The following FAT3 variants were observed in gnomAD, a reference collection of about 807,000 sequenced individuals.
The protein encoded by FAT3 is FAT atypical cadherin 3, also known as protocadherin Fat 3.
A neutral mutation model predicts 310.2 loss-of-function variants in FAT3; 95 were observed. The observed-to-expected ratio is 0.31, with a 90% CI of 0.26 to 0.36. The LOEUF (loss-of-function observed/expected upper bound fraction) is 0.36, where lower values mean the gene tolerates loss of function less well. Among genes scored for constraint, FAT3 ranks in the 10% least tolerant of loss-of-function variants. The probability of loss-of-function intolerance (pLI) is 1.00; values close to 1 mark genes in which losing one functional copy is unlikely to be tolerated. For missense variants in FAT3, 5,408 were observed against 5,715.6 expected (o/e 0.95, Z 1.74); for synonymous variants, 2,314 against 2,192.9 (o/e 1.06, Z -1.54).
At position 92,353,137 on chromosome 11, in the gene FAT3, A is replaced by C. The variant is rs1948616406; in HGVS notation, c.1025A>C (p.Asn342Thr). The change falls in exon 2 of 28, where the codon AAT becomes ACT. Residue 342 changes from asparagine to threonine, a missense_variant. Around this residue, in one of 5 missense-constraint regions of FAT3, gnomAD observed 4,588 missense variants for 4,809.8 expected, o/e 0.95. Coordinates refer to ENST00000525166, the MANE Select transcript of FAT3 (RefSeq NM_001367949.2). ...TGGGAGAGCTTTCCCTATGGCTACA[A>C]TCTCACTCTTCAAGCAAAAGACAAG... ...IDWESFPYGYNLTLQAKDKGS... is the reference protein window; with the variant it reads ...IDWESFPYGYTLTLQAKDKGS... 1 of 1,613,538 alleles carries C rather than the reference A, an allele frequency of 6.2e-7. No individual in the cohort carries two copies. Among genetic ancestry groups the C allele is most frequent in the African/African-American group, 1.3e-5 (1 of 74,896 alleles).
chr11:92,808,292 A>G (rs1188617518), intron 12 of FAT3, among the ~76,000 whole-genome samples: 2 of 152,222 alleles, frequency 1.3e-5, no homozygotes, highest in African/African-American at 4.8e-5. Flanking sequence ...AAGGGGAGCT[A>G]TATCTGGGCA....
chr11:92,619,389 G>A (rs1002418435), intron 3 of FAT3, among the ~76,000 whole-genome samples: 4 of 152,088 alleles, frequency 2.6e-5, no homozygotes, highest in Non-Finnish European at 5.9e-5. Flanking sequence ...ATTGAGAAAT[G>A]TTCTCTTCTC....
At position 92,801,732 on chromosome 11, in the gene FAT3, A is replaced by G. The variant is rs750761692; in HGVS notation, c.8719A>G (p.Thr2907Ala). ...TGGAGAGGCATTCTCTCTTTCCTCCACGGCCTTGGTCTCTGTCAGAGTGAC... is the reference window on the plus strand; with the variant it reads ...TGGAGAGGCATTCTCTCTTTCCTCCGCGGCCTTGGTCTCTGTCAGAGTGAC... The part of the protein sequence containing the change: ...DLGEAFSLSS[T>A]ALVSVRVTDI... Residue 2907 changes from threonine to alanine, a missense_variant, in exon 10 of 28, where the codon ACG becomes GCG. By Grantham distance (58) the Thr-to-Ala change is moderately conservative. Around this residue, in one of 5 missense-constraint regions of FAT3, gnomAD observed 4,588 missense variants for 4,809.8 expected, o/e 0.95. Transcript: ENST00000525166. 6 of 1,613,844 alleles carry G rather than the reference A, an allele frequency of 3.7e-6. No individual in the cohort carries two copies. In the South Asian group the frequency reaches 6.6e-5, roughly 18 times the overall value.
intron 22 of FAT3, among the ~76,000 whole-genome samples, chr11:92,871,342 C>T (rs1399712213): frequency 1.3e-5 from 2 of 152,142 alleles, no homozygotes; most frequent in Non-Finnish European, 1.5e-5. Context: ...TCAAAGTGTT[C>T]CAGGGACCAA....
chr11:92,382,538 A>G (rs1197430276), intron 2 of FAT3, among the ~76,000 whole-genome samples: 6 of 152,184 alleles, frequency 3.9e-5, no homozygotes, highest in African/African-American at 1.4e-4. Flanking sequence ...CCCTAAAGGT[A>G]GATCTGGAAC....
At chr11:92,518,149 C>CA (rs1350094865) in intron 2 of FAT3, among the ~76,000 whole-genome samples, 1 of 152,070 alleles carries the variant, frequency 6.6e-6, no homozygotes, top group Non-Finnish European at 1.5e-5. Context: ...TTTTACCCAG[C>CA]AATCCCATTA....
At chr11:92,416,991 C>T (rs1004533982) in intron 2 of FAT3, among the ~76,000 whole-genome samples, 3 of 152,064 alleles carry the variant, frequency 2.0e-5, no homozygotes, top group Non-Finnish European at 4.4e-5. Context: ...TTGGAAAATA[C>T]CAGTCAGACA....
intron 1 of FAT3, among the ~76,000 whole-genome samples, chr11:92,269,206 A>T (rs1946053720): frequency 6.6e-6 from 1 of 150,430 alleles, no homozygotes; most frequent in Non-Finnish European, 1.5e-5. Flanking sequence ...ATGACTCGCA[A>T]TGTTGACAGA....
chr11:92,657,010 C>T (rs1942604716), intron 3 of FAT3, among the ~76,000 whole-genome samples: 1 of 152,088 alleles, frequency 6.6e-6, no homozygotes, highest in South Asian at 2.1e-4. Context: ...AGCTGTGGCA[C>T]AAAAGAAAAT....
chr11:92,738,753 G>T (rs1945422323), intron 4 of FAT3, among the ~76,000 whole-genome samples: 1 of 152,168 alleles, frequency 6.6e-6, no homozygotes, highest in African/African-American at 2.4e-5. Context: ...ACAACATGCT[G>T]AGTCTTGTAT....
At chr11:92,647,468 C>G (rs550165415) in intron 3 of FAT3, among the ~76,000 whole-genome samples, 1 of 152,236 alleles carries the variant, frequency 6.6e-6, no homozygotes, top group East Asian at 1.9e-4. Flanking sequence ...TGGAAAAACT[C>G]TACATCAATA....
At chr11:92,611,958 C>T (rs932200518) in intron 3 of FAT3, among the ~76,000 whole-genome samples, 22 of 152,128 alleles carry the variant, frequency 1.4e-4, no homozygotes, top group African/African-American at 4.8e-4. Flanking sequence ...CTTGACCTTC[C>T]AAATGAGGGG....
chr11:92,816,028 G>A (rs1457934574), intron 13 of FAT3, among the ~76,000 whole-genome samples: 1 of 152,176 alleles, frequency 6.6e-6, no homozygotes, highest in Non-Finnish European at 1.5e-5. Context: ...AGGTCCATGT[G>A]GGAACATTAC....
At chr11:92,287,964 A>G (rs1364850380) in intron 1 of FAT3, among the ~76,000 whole-genome samples, 1 of 152,158 alleles carries the variant, frequency 6.6e-6, no homozygotes, top group Non-Finnish European at 1.5e-5. Context: ...TGAGTTGTCT[A>G]TGATATAGGT....
chr11:92,811,565 C>T (rs564823295), intron 13 of FAT3, among the ~76,000 whole-genome samples: 1 of 152,056 alleles, frequency 6.6e-6, no homozygotes, highest in South Asian at 2.1e-4. Context: ...CCTCCTTTCA[C>T]TTATTTTGAG....
intron 3 of FAT3, among the ~76,000 whole-genome samples, chr11:92,636,593 A>C (rs1351619425): frequency 6.6e-6 from 1 of 152,266 alleles, no homozygotes; most frequent in East Asian, 1.9e-4. Flanking sequence ...AGATCCAACA[A>C]TAAAGAAGAA....
intron 2 of FAT3, among the ~76,000 whole-genome samples, chr11:92,471,941 ATATAT>A (rs1232968470): frequency 1.5e-5 from 2 of 131,796 alleles, no homozygotes; most frequent in Non-Finnish European, 3.1e-5. Flanking sequence ...ATATATATAT[ATATAT>A]ATATATATAT....
intron 3 of FAT3, among the ~76,000 whole-genome samples, chr11:92,641,489 T>C (rs566668): frequency 0.49 from 73,746 of 151,940 alleles, 18,120 homozygotes; most frequent in African/African-American, 0.5. Flanking sequence ...AGGGAAGCAT[T>C]CTTCCCTGCT....
At chr11:92,826,743 A>G (rs1398841986) in intron 13 of FAT3, among the ~76,000 whole-genome samples, 1 of 152,164 alleles carries the variant, frequency 6.6e-6, no homozygotes, top group Non-Finnish European at 1.5e-5. Context: ...CTTTGTAAAA[A>G]CCAGTTTACT....
Sources: gnomAD v4.1 joint callset for allele counts (sites outside exome capture counted in the v4.1 genomes callset) on GRCh38, gnomAD v4.1.1 for gene constraint, gnomAD v4.1.1 regional missense constraint, MANE v1.5 for transcripts, NCBI Gene and HGNC (gene_info 2026-07-23, HGNC 2026-07-21) for gene names.